CDR2: variants seen among roughly 807,000 people sequenced by gnomAD.
CDR2 encodes the protein cerebellar degeneration-related protein 2.
A neutral mutation model predicts 48.4 loss-of-function variants in CDR2; 34 were observed. The ratio of observed to expected loss-of-function variants is 0.70; its 90% CI spans 0.53 to 0.94. The LOEUF is 0.94. Ranked by LOEUF, CDR2 falls within the 40% of genes least tolerant of loss-of-function variation. CDR2 has a pLI of 0.00. For missense variants in CDR2, 498 were observed against 549.5 expected, an observed-to-expected ratio of 0.91 and a Z score of 0.94; for synonymous variants, 240 against 219.7, an observed-to-expected ratio of 1.09 and a Z score of -0.82.
intron 2 of CDR2, among the ~76,000 whole-genome samples, chr16:22,363,384 C>T (rs961361223): frequency 2.2e-4 from 33 of 152,114 alleles, no homozygotes; most frequent in African/African-American, 7.2e-4. Context: ...TTTCAGAAAT[C>T]CTGCTCAAGG....
In CDR2 at chr16:22,349,335, G is replaced by A; in HGVS notation, c.450C>T (p.Asp150=). 2 of 1,614,110 alleles carry A rather than the reference G, an allele frequency of 1.2e-6. No individual in the cohort carries two copies. Among genetic ancestry groups the A allele is most frequent in the Admixed American group, 1.7e-5 (1 of 60,008 alleles). Residue 150 remains aspartate (D), a synonymous_variant, in exon 4 of 5, where the codon GAC becomes GAT. Transcript: ENST00000268383. ...GQGRRSPGKC[D]QEKPAPSFAC... is the part of the protein sequence containing the mutation. The stretch of plus-strand genomic sequence containing the variant: ...CAAAGCTGGGTGCCGGTTTCTCCTG[G>A]TCACACTTTCCCGGGCTCCTTCTCC...
intron 1 of CDR2, among the ~76,000 whole-genome samples, chr16:22,373,174 T>C (rs1241300298): frequency 6.6e-6 from 1 of 152,164 alleles, no homozygotes; most frequent in Non-Finnish European, 1.5e-5. Context: ...ACATAAAAAG[T>C]GTTCCCCAAC....
At chr16:22,363,010 C>T (rs1445183054) in intron 2 of CDR2, among the ~76,000 whole-genome samples, 2 of 148,316 alleles carry the variant, frequency 1.3e-5, no homozygotes, top group Admixed American at 6.8e-5. Flanking sequence ...TGGAGTGCAA[C>T]TGCACAATCT....
intron 3 of CDR2, 40 bp downstream of exon 3, chr16:22,349,661 T>A (rs969497229): frequency 1.2e-6 from 2 of 1,605,546 alleles, no homozygotes; most frequent in Non-Finnish European, 1.7e-6. Flanking sequence ...ACTAAAGAAC[T>A]TCCCCCTAGT....
In CDR2 at chr16:22,346,009, GT is replaced by G. The variant is rs2048901638; in HGVS notation, c.*955del. The G allele has an allele frequency of 6.6e-6, 1 of 152,600 alleles. No individual in the cohort carries two copies. The highest frequency in any genetic ancestry group is 6.6e-5 in the Admixed American group (1 of 15,262). 9.5% of individuals were successfully genotyped at this position (152,600 alleles called of 1,614,324 possible). ...TAATCGGAACATCAGTTCTTAAATA[GT>G]TTTAAGTTAAAAGAATGCAAGTGAG... On this transcript the variant is annotated 3_prime_UTR_variant, in exon 5 of 5. Coordinates refer to ENST00000268383, the MANE Select transcript of CDR2 (RefSeq NM_001802.2).
At chr16:22,359,536 A>AT (rs1244011466) in intron 2 of CDR2, among the ~76,000 whole-genome samples, 3 of 152,174 alleles carry the variant, frequency 2.0e-5, no homozygotes, top group Non-Finnish European at 4.4e-5. Flanking sequence ...CAAAGTAACA[A>AT]TTTATACTGT....
intron 2 of CDR2, 116 bp downstream of exon 2, chr16:22,364,784 TTG>T: frequency 1.7e-6 from 1 of 604,062 alleles, no homozygotes; most frequent in Admixed American, 2.9e-5. Context: ...TCAAAAAAGT[TTG>T]TGTTAAAAAA....
At chr16:22,351,184 A>C (rs1244364554) in intron 2 of CDR2, among the ~76,000 whole-genome samples, 1 of 152,226 alleles carries the variant, frequency 6.6e-6, no homozygotes, top group Non-Finnish European at 1.5e-5. Flanking sequence ...CCTGCAAAGG[A>C]CATGAACTCA....
At position 22,368,321 on chromosome 16, in the gene CDR2, T is replaced by C. The variant is rs551565034; in HGVS notation, c.80-3307A>G. ...GCCTCCTGGATTCAAGTGATTCTCCTGCCTCAGCCTCCTGAGTAGCTGGGA... is the reference window on the plus strand; with the variant it reads ...GCCTCCTGGATTCAAGTGATTCTCCCGCCTCAGCCTCCTGAGTAGCTGGGA... On this transcript the variant is annotated intron_variant, in intron 1 of 4. Coordinates refer to ENST00000268383, the MANE Select transcript of CDR2 (RefSeq NM_001802.2). Among the ~76,000 whole-genome samples, 277 of 152,286 alleles carry C rather than the reference T, an allele frequency of 1.8e-3. 1 individual carries two copies. Among genetic ancestry groups the C allele is most frequent in the Middle Eastern group, 0.01 (3 of 294 alleles).
chr16:22,348,446 A>C (rs1472262422), intron 4 of CDR2, among the ~76,000 whole-genome samples: 2 of 152,208 alleles, frequency 1.3e-5, no homozygotes, highest in Non-Finnish European at 2.9e-5. Context: ...CAACCCACAG[A>C]TTCCAACCTA....
chr16:22,361,260 T>C (rs1305071721), intron 2 of CDR2, among the ~76,000 whole-genome samples: 2 of 152,202 alleles, frequency 1.3e-5, no homozygotes, highest in Non-Finnish European at 2.9e-5. Flanking sequence ...TTCATCAAAC[T>C]ATACACTTAG....
chr16:22,366,853 G>C (rs2049047693), intron 1 of CDR2, among the ~76,000 whole-genome samples: 1 of 152,174 alleles, frequency 6.6e-6, no homozygotes, highest in Non-Finnish European at 1.5e-5. Flanking sequence ...CTGGGTGAGA[G>C]ATGATGGTGG....
Position 22,346,722 on chromosome 16 carries a change from A to C in CDR2, c.*243T>G, listed in dbSNP as rs1438252692. The C allele has an allele frequency of 5.8e-6, 3 of 514,868 alleles. No individual in the cohort carries two copies. The highest frequency in any genetic ancestry group is 2.5e-5 in the South Asian group (1 of 40,642). 31.9% of individuals were successfully genotyped at this position (514,868 alleles called of 1,614,324 possible). The stretch of plus-strand genomic sequence containing the variant: ...TGGTCCTTTTCAGGAACTGAAGTCT[A>C]ATCAGCGCGCCAGCCAGAGGCCAGT... On this transcript the variant is annotated 3_prime_UTR_variant, in exon 5 of 5. Transcript: ENST00000268383.
chr16:22,347,093 C>A lies in CDR2; in HGVS notation c.1237G>T (p.Val413Leu). 18 of 1,614,192 alleles carry A rather than the reference C, an allele frequency of 1.1e-5. No individual in the cohort carries two copies. The highest frequency in any genetic ancestry group is 1.4e-5 in the Non-Finnish European group (16 of 1,180,020). ...TCTGGAGGTGTTGTAGGGGAACTCA[C>A]GGGCTCTGGGTTGACAGAGGCCAGT... ...WELASVNPEP[V>L]SSPTTPPEYK... The change falls in exon 5 of 5, where the codon GTG (valine) becomes TTG (leucine). Residue 413 changes from valine to leucine, a missense_variant. Val to Leu is a conservative substitution (Grantham distance 32, BLOSUM62 1). Coordinates refer to ENST00000268383, the MANE Select transcript of CDR2 (RefSeq NM_001802.2).
At chr16:22,355,671 G>A (rs1013731982) in intron 2 of CDR2, among the ~76,000 whole-genome samples, 9 of 152,182 alleles carry the variant, frequency 5.9e-5, no homozygotes, top group Non-Finnish European at 1.5e-5. Context: ...TGAGAAATTA[G>A]AAGAGATAAT....
At chr16:22,356,626 G>A (rs2048975530) in intron 2 of CDR2, among the ~76,000 whole-genome samples, 1 of 152,154 alleles carries the variant, frequency 6.6e-6, no homozygotes, top group Non-Finnish European at 1.5e-5. Flanking sequence ...GATGGCAGGT[G>A]CCTGTAATCC....
intron 1 of CDR2, among the ~76,000 whole-genome samples, chr16:22,369,297 A>G (rs1262908748): frequency 6.8e-6 from 1 of 146,052 alleles, no homozygotes; most frequent in Non-Finnish European, 1.5e-5. Flanking sequence ...GAAAAAAAAA[A>G]AAAAGAAAAA....
chr16:22,363,222 T>G (rs1171378836), intron 2 of CDR2, among the ~76,000 whole-genome samples: 1 of 152,146 alleles, frequency 6.6e-6, no homozygotes, highest in African/African-American at 2.4e-5. Context: ...GATTACAGGC[T>G]TGAGCCATCG....
chr16:22,358,879 T>A (rs1452871303), intron 2 of CDR2, among the ~76,000 whole-genome samples: 1 of 152,222 alleles, frequency 6.6e-6, no homozygotes, highest in Admixed American at 6.5e-5. Context: ...TCTGGAAGAT[T>A]TATTTTTTCA....
Sources: allele counts gnomAD v4.1 joint callset (sites outside exome capture counted in the v4.1 genomes callset), GRCh38; gene constraint gnomAD v4.1.1; transcripts MANE v1.5; gene names NCBI Gene and HGNC (gene_info 2026-07-23, HGNC 2026-07-21).